Variants in PAOX observed in about 807,000 individuals in gnomAD.
PAOX encodes the protein polyamine oxidase.
Under a neutral mutation model 39.0 loss-of-function variants are expected in PAOX, and 38 were observed. The ratio of observed to expected loss-of-function variants is 0.97; its 90% CI spans 0.75 to 1.28. The LOEUF is 1.28. Ranked by LOEUF, PAOX falls within the 50% of genes most tolerant of loss-of-function variation. The probability of loss-of-function intolerance (pLI) is 0.00; values close to 1 mark genes in which losing one functional copy is unlikely to be tolerated. For synonymous variants in PAOX, 311 were observed against 314.4 expected (o/e 0.99, Z 0.11); for missense variants, 667 against 685.7 (o/e 0.97, Z 0.30).
chr10:133,387,816 G>C (rs1039855487), intron 4 of PAOX, among the ~76,000 whole-genome samples: 1 of 152,204 alleles, frequency 6.6e-6, no homozygotes, highest in Admixed American at 6.5e-5. Context: ...CACCTCCCGG[G>C]TTCATGCCAT....
chr10:133,382,206 C>T (rs1374844855), intron 3 of PAOX, among the ~76,000 whole-genome samples: 3 of 152,188 alleles, frequency 2.0e-5, no homozygotes, highest in Non-Finnish European at 4.4e-5. Flanking sequence ...ATCTCATTGA[C>T]TCAGGCAGCC....
chr10:133,379,433 G>A lies in PAOX; in HGVS notation c.117G>A (p.Pro39=). 1 of 1,224,458 alleles carries A rather than the reference G, an allele frequency of 8.2e-7. No individual in the cohort carries two copies. Among genetic ancestry groups the A allele is most frequent in the Non-Finnish European group, 1.0e-6 (1 of 983,508 alleles). 75.8% of individuals were successfully genotyped at this position (1,224,458 alleles called of 1,614,324 possible). ...GGCTCTGCGGCCACTCCGCCTTCCC[G>A]CACCTGCGGGTCCTGGAGGCCACGG... The part of the protein sequence containing the change: ...AQRLCGHSAF[P]HLRVLEATAR... The change falls in exon 1 of 7, where the codon CCG becomes CCA. Residue 39 remains proline, a synonymous_variant. Coordinates refer to ENST00000278060, the MANE Select transcript of PAOX (RefSeq NM_152911.4).
chr10:133,382,643 A>G (rs954449107), intron 3 of PAOX, among the ~76,000 whole-genome samples: 1 of 152,136 alleles, frequency 6.6e-6, no homozygotes, highest in Non-Finnish European at 1.5e-5. Context: ...TTAGCTGGGC[A>G]TGGTGGCAGG....
At chr10:133,381,777 A>G in intron 3 of PAOX, 118 bp downstream of exon 3, 1 of 996,440 alleles carries the variant, frequency 1.0e-6, no homozygotes, top group South Asian at 1.6e-5. Context: ...TCGTTCTAGT[A>G]AGTTCCAGAT....
chr10:133,381,255 C>T (rs1459395145), intron 2 of PAOX, among the ~76,000 whole-genome samples: 3 of 152,232 alleles, frequency 2.0e-5, no homozygotes, highest in African/African-American at 7.2e-5. Flanking sequence ...GCCCACTGAA[C>T]CCTCCCTTAC....
intron 3 of PAOX, among the ~76,000 whole-genome samples, chr10:133,383,269 C>T (rs1044651917): frequency 1.3e-5 from 2 of 152,206 alleles, no homozygotes; most frequent in African/African-American, 4.8e-5. Context: ...AGGTGGCCTT[C>T]ACTTTTTCTA....
intron 3 of PAOX, among the ~76,000 whole-genome samples, chr10:133,382,553 A>G (rs893777728): frequency 6.6e-6 from 1 of 152,182 alleles, no homozygotes; most frequent in Non-Finnish European, 1.5e-5. Flanking sequence ...AAGCTGAGGC[A>G]GGCGGATCAC....
Position 133,380,371 on chromosome 10 carries a change from ACTC to A in PAOX, c.557_559del (p.Ser186del). The A allele has an allele frequency of 6.2e-7, 1 of 1,612,592 alleles. No homozygotes were observed. Among genetic ancestry groups the A allele is most frequent in the Non-Finnish European group, 8.5e-7 (1 of 1,179,920 alleles). ...AGGAAGCTGAAGCTGGCCGTCCTGA[ACTC>A]CTTCTTCAACCTGGAATGCTGTGTG... On this transcript the variant is annotated inframe_deletion, in exon 2 of 7. Transcript: ENST00000278060.
In PAOX at chr10:133,381,506, G is replaced by A. The variant is rs764621825; in HGVS notation, c.715G>A (p.Asp239Asn). The change falls in exon 3 of 7, where the codon GAC (aspartate) becomes AAC (asparagine). Residue 239 changes from aspartate to asparagine, a missense_variant. Asp to Asn is a conservative substitution (Grantham distance 23). Transcript: ENST00000278060. ...CTGCATGATGGCCGCCCTGCCGGAG[G>A]ACACTGTAGTTTTTGAGAAGCCTGT... ...TNCMMAALPE[D>N]TVVFEKPVKT... is the part of the protein sequence containing the mutation. 1.9e-6 allele frequency: 3 copies of A among 1,613,708 alleles called. No homozygotes were observed. Among genetic ancestry groups the A allele is most frequent in the Non-Finnish European group, 1.7e-6 (2 of 1,180,022 alleles).
intron 2 of PAOX, among the ~76,000 whole-genome samples, chr10:133,381,051 G>T (rs1487093387): frequency 2.0e-5 from 3 of 152,232 alleles, no homozygotes. Context: ...CTGCAGAGGG[G>T]GCCAGACAGG....
intron 5 of PAOX, 70 bp downstream of exon 5, chr10:133,389,138 A>G (rs760352771): frequency 2.6e-5 from 33 of 1,292,254 alleles, no homozygotes; most frequent in Non-Finnish European, 3.7e-5. Context: ...CAGAAACTAG[A>G]CTTTGCAGAA....
rs746744151 is a variant in PAOX, at chr10:133,391,441, A to T, written c.1522A>T (p.Arg508Trp). 1 of 1,612,350 alleles carries T rather than the reference A, an allele frequency of 6.2e-7. No individual in the cohort carries two copies. Among genetic ancestry groups the T allele is most frequent in the Non-Finnish European group, 8.5e-7 (1 of 1,179,742 alleles). The change falls in exon 7 of 7, where the codon AGG becomes TGG. Residue 508 changes from arginine to tryptophan, a missense_variant. Coordinates refer to ENST00000278060, the MANE Select transcript of PAOX (RefSeq NM_152911.4). The stretch of plus-strand genomic sequence containing the variant: ...GTGGGCCCCGCAGGTGCAGCAGCCC[A>T]GGCCCAGGCTCTAGCTGGGCCCAGC... ...SLWAPQVQQPRPRL is the reference protein window; with the variant it reads ...SLWAPQVQQPWPRL
At position 133,389,767 on chromosome 10, in the gene PAOX, CGGGG is replaced by C; in HGVS notation, c.1392+23_1392+26del. The C allele has an allele frequency of 6.9e-7, 1 of 1,457,166 alleles. No homozygotes were observed. Among genetic ancestry groups the C allele is most frequent in the Non-Finnish European group, 9.0e-7 (1 of 1,106,418 alleles). The allele number at this position is 1,457,166 out of a possible 1,614,324, so 90.3% of individuals were successfully genotyped here. A position where few individuals can be genotyped will look rare whatever the true frequency, so the allele number is the denominator to read the frequency against. On this transcript the variant is annotated intron_variant, in intron 6 of 6. Coordinates refer to ENST00000278060, the MANE Select transcript of PAOX (RefSeq NM_152911.4). ...GCCCAGGTATGTGGCGTGCCCCAGT[CGGGG>C]GGCGTGGGTCCCGCTGCAGAGGCCC...
intron 4 of PAOX, among the ~76,000 whole-genome samples, chr10:133,386,958 CTTT>C (rs1402975586): frequency 6.6e-6 from 1 of 152,158 alleles, no homozygotes; most frequent in Non-Finnish European, 1.5e-5. Flanking sequence ...TTAAATGGAT[CTTT>C]TATCTATCCA....
chr10:133,380,192 G>T lies in PAOX; in HGVS notation c.375G>T (p.Gln125His), dbSNP rs952442586. Residue 125 changes from glutamine to histidine, a missense_variant, in exon 2 of 7, where the codon CAG becomes CAT. Physicochemically the swap from Gln to His is conservative, Grantham distance 24 (BLOSUM62 0). Transcript: ENST00000278060. ...GCTCCGGGGCCAGCGTGAGCCTCCA[G>T]CTGGTGGCGGAGATGGCGACTCTGT... ...YASSGASVSL[Q>H]LVAEMATLFY... 5 of 1,612,538 alleles carry T rather than the reference G, an allele frequency of 3.1e-6. No individual in the cohort carries two copies. Among genetic ancestry groups the T allele is most frequent in the South Asian group, 2.2e-5 (2 of 91,080 alleles).
At position 133,381,590 on chromosome 10, in the gene PAOX, C is replaced by T. The variant is rs1849382602; in HGVS notation, c.799C>T (p.Pro267Ser). The T allele has an allele frequency of 3.7e-6, 6 of 1,613,616 alleles. No homozygotes were observed. Among genetic ancestry groups the T allele is most frequent in the Non-Finnish European group, 5.1e-6 (6 of 1,180,040 alleles). The change falls in exon 3 of 7, where the codon CCA becomes TCA. Residue 267 changes from proline to serine, a missense_variant. By Grantham distance (74) the Pro-to-Ser change is moderately conservative. Transcript: ENST00000278060. ...GGCAGCCTTTCCCGGGGAGACCTTT[C>T]CAGTGTCGGTAGAGTGTGAGGATGG... ...QEAAFPGETF[P>S]VSVECEDGDR...
rs746941332 is a variant in PAOX, at chr10:133,391,522, A to G, written c.*67A>G. Reference sequence around the variant, plus strand: ...CTGGGACCCTCATTTCTTCTGACAGATTTCAGTCTGGCTTGAAATTTGGGG... The same window carrying G: ...CTGGGACCCTCATTTCTTCTGACAGGTTTCAGTCTGGCTTGAAATTTGGGG... On this transcript the variant is annotated 3_prime_UTR_variant, in exon 7 of 7. Coordinates refer to ENST00000278060, the MANE Select transcript of PAOX (RefSeq NM_152911.4). 2.6e-6 allele frequency: 4 copies of G among 1,528,462 alleles called. No individual in the cohort carries two copies. Among genetic ancestry groups the G allele is most frequent in the Non-Finnish European group, 3.5e-6 (4 of 1,140,902 alleles). 94.7% of individuals were successfully genotyped at this position (1,528,462 alleles called of 1,614,324 possible).
At chr10:133,379,903 C>G in intron 1 of PAOX, 96 bp from the exon 2 acceptor site, 1 of 1,466,612 alleles carries the variant, frequency 6.8e-7, no homozygotes, top group South Asian at 1.4e-5. Flanking sequence ...GTACATCCTC[C>G]TTGGGAAGGC....
chr10:133,379,376 C>T lies in PAOX; in HGVS notation c.60C>T (p.Gly20=). The change falls in exon 1 of 7, where the codon GGC becomes GGT. Residue 20 remains glycine (G), a synonymous_variant. Coordinates refer to ENST00000278060, the MANE Select transcript of PAOX (RefSeq NM_152911.4). ...APGGPRVLVV[G]GGIAGLGAAQ... ...GCGGACCCCGGGTGCTGGTGGTGGG[C>T]GGCGGCATCGCGGGGCTGGGCGCGG... 2.5e-6 allele frequency: 3 copies of T among 1,219,910 alleles called. No individual in the cohort carries two copies. Among genetic ancestry groups the T allele is most frequent in the Non-Finnish European group, 3.1e-6 (3 of 980,474 alleles). The allele number at this position is 1,219,910 out of a possible 1,614,324, so 75.6% of individuals were successfully genotyped here.
Sources: gnomAD v4.1 joint callset for allele counts (sites outside exome capture counted in the v4.1 genomes callset) on GRCh38, gnomAD v4.1.1 for gene constraint, MANE v1.5 for transcripts, NCBI Gene and HGNC (gene_info 2026-07-23, HGNC 2026-07-21) for gene names.